The following ARFGEF3 variants were observed in gnomAD, a reference collection of about 807,000 sequenced individuals.
ARFGEF3 encodes the protein brefeldin A-inhibited guanine nucleotide-exchange protein 3.
A neutral mutation model predicts 221.7 loss-of-function variants in ARFGEF3; 96 were observed. The ratio of observed to expected loss-of-function variants is 0.43; its 90% CI spans 0.37 to 0.51. ARFGEF3 has a LOEUF of 0.51. Ranked by LOEUF, ARFGEF3 falls within the 20% of genes least tolerant of loss-of-function variation. The pLI is 0.00. For synonymous variants in ARFGEF3, 1,145 were observed against 1,126.8 expected (o/e 1.02, Z -0.32); for missense variants, 2,410 against 2,789.9 (o/e 0.86, Z 3.07).
intron 1 of ARFGEF3, among the ~76,000 whole-genome samples, chr6:138,167,453 T>C (rs1776744186): frequency 6.6e-6 from 1 of 152,174 alleles, no homozygotes; most frequent in Non-Finnish European, 1.5e-5. Flanking sequence ...AGGCTCAAAG[T>C]GACTGTGTGT....
chr6:138,188,435 A>G (rs777305438), intron 2 of ARFGEF3, among the ~76,000 whole-genome samples: 15 of 152,090 alleles, frequency 9.9e-5, no homozygotes, highest in Non-Finnish European at 1.8e-4. Context: ...TCATTGCACT[A>G]AGAGAACAAT....
Position 138,334,682 on chromosome 6 carries a change from G to C in ARFGEF3, c.5836G>C (p.Glu1946Gln), listed in dbSNP as rs752665701. The C allele has an allele frequency of 1.9e-6, 3 of 1,612,178 alleles. No homozygotes were observed. Among genetic ancestry groups the C allele is most frequent in the Non-Finnish European group, 1.7e-6 (2 of 1,178,550 alleles). ...PFFILPSFQS[E>Q]SSTPSTGGFS... ...CTTCATCCTGCCCTCCTTCCAGTCC[G>C]AGTCATCCACCCCATCCACCGGGGG... The change falls in exon 33 of 34, where the codon GAG (glutamate) becomes CAG (glutamine). Residue 1946 changes from glutamate (E) to glutamine (Q), a missense_variant. Around this residue, in one of 5 missense-constraint regions of ARFGEF3, gnomAD observed 339 missense variants for 334.9 expected, o/e 1.01. Transcript: ENST00000251691. This position sits in a 1 kb window ranked among gnomAD's most constrained non-coding sequence, Gnocchi z 5.1.
rs1390640684 is a variant in ARFGEF3 at position 138,339,577 on chromosome 6, G to A, written c.*3091G>A. 1 of 152,156 alleles carries A rather than the reference G, an allele frequency of 6.6e-6. No individual in the cohort carries two copies. Among genetic ancestry groups the A allele is most frequent in the Non-Finnish European group, 1.5e-5 (1 of 68,056 alleles). 9.4% of individuals were successfully genotyped at this position (152,156 alleles called of 1,614,324 possible). On this transcript the variant is annotated 3_prime_UTR_variant, in exon 34 of 34. Coordinates refer to ENST00000251691, the MANE Select transcript of ARFGEF3 (RefSeq NM_020340.5). ...TCTTCTTTTCCTAAATTTTGGTAAAGTGTGCTTCATGAAACAAACATCTGG... is the reference window on the plus strand; with the variant it reads ...TCTTCTTTTCCTAAATTTTGGTAAAATGTGCTTCATGAAACAAACATCTGG...
At chr6:138,191,665 T>A (rs1404975139) in intron 2 of ARFGEF3, among the ~76,000 whole-genome samples, 1 of 152,208 alleles carries the variant, frequency 6.6e-6, no homozygotes, top group Non-Finnish European at 1.5e-5. Context: ...TCCAATTTGT[T>A]ATGTATTAGC....
intron 20 of ARFGEF3, 107 bp downstream of exon 20, chr6:138,294,233 T>G: frequency 8.4e-7 from 1 of 1,193,338 alleles, no homozygotes; most frequent in African/African-American, 1.5e-5. Flanking sequence ...TTCCCATTGC[T>G]TACACTCACA....
chr6:138,281,569 G>A (rs771511486), intron 14 of ARFGEF3, among the ~76,000 whole-genome samples: 15 of 152,184 alleles, frequency 9.9e-5, no homozygotes, highest in Non-Finnish European at 1.8e-4. Context: ...TATGGCATTT[G>A]GTTTTCTGTT....
intron 2 of ARFGEF3, among the ~76,000 whole-genome samples, chr6:138,173,069 G>T (rs1776870743): frequency 6.6e-6 from 1 of 151,992 alleles, no homozygotes; most frequent in African/African-American, 2.4e-5. Flanking sequence ...AAAATGTTTG[G>T]GGAAAATGGA....
At position 138,338,836 on chromosome 6, in the gene ARFGEF3, A is replaced by G. The variant is rs1780378784; in HGVS notation, c.*2350A>G. Reference sequence around the variant, plus strand: ...AAAAAAAAAGTGAATACTGTATCCCAAAGTATGTTAGTTGTTTGTTTGGAA... The same window carrying G: ...AAAAAAAAAGTGAATACTGTATCCCGAAGTATGTTAGTTGTTTGTTTGGAA... On this transcript the variant is annotated 3_prime_UTR_variant, in exon 34 of 34. Transcript: ENST00000251691. 1 of 151,586 alleles carries G rather than the reference A, an allele frequency of 6.6e-6. No homozygotes were observed. The highest frequency in any genetic ancestry group is 1.5e-5 in the Non-Finnish European group (1 of 68,022). The allele number at this position is 151,586 out of a possible 1,614,324, so 9.4% of individuals were successfully genotyped here.
chr6:138,162,910 A>G lies in ARFGEF3; in HGVS notation c.85+739A>G, dbSNP rs1316177395. 6.6e-6 allele frequency among the ~76,000 whole-genome samples: 1 copy of G among 152,236 alleles called. No individual in the cohort carries two copies. Among genetic ancestry groups the G allele is most frequent in the Non-Finnish European group, 1.5e-5 (1 of 68,046 alleles). On this transcript the variant is annotated intron_variant, in intron 1 of 33. Transcript: ENST00000251691. This position sits in a 1 kb window ranked among gnomAD's most constrained non-coding sequence, Gnocchi z 4.7. ...ATGGTAATGCAAATAGATCAGAAGC[A>G]TACTTTGGGTGATGGTGATGCTTTT...
At chr6:138,173,906 A>T (rs944109194) in intron 2 of ARFGEF3, among the ~76,000 whole-genome samples, 11 of 152,192 alleles carry the variant, frequency 7.2e-5, no homozygotes, top group Non-Finnish European at 1.5e-4. Flanking sequence ...AATGACAAAG[A>T]TTATCCTAAT....
intron 24 of ARFGEF3, among the ~76,000 whole-genome samples, chr6:138,311,141 AG>A (rs1164490262): frequency 4.6e-5 from 7 of 152,218 alleles, no homozygotes; most frequent in African/African-American, 1.4e-4. Context: ...GTTTAGTGGA[AG>A]GGTGAGTTAC....
chr6:138,169,056 G>C (rs904346760), intron 1 of ARFGEF3, among the ~76,000 whole-genome samples: 1 of 152,186 alleles, frequency 6.6e-6, no homozygotes, highest in African/African-American at 2.4e-5. Flanking sequence ...CAAGCATCCC[G>C]GGAGGAAGGT....
At chr6:138,210,666 G>A (rs1347170887) in intron 4 of ARFGEF3, among the ~76,000 whole-genome samples, 3 of 152,084 alleles carry the variant, frequency 2.0e-5, no homozygotes. Context: ...GGGCAGAAAG[G>A]ACAGAAACTC....
In ARFGEF3 at chr6:138,340,420, A is replaced by T. The variant is rs1194549037; in HGVS notation, c.*3934A>T. 3 of 152,088 alleles carry T rather than the reference A, an allele frequency of 2.0e-5. No individual in the cohort carries two copies. The highest frequency in any genetic ancestry group is 4.4e-5 in the Non-Finnish European group (3 of 68,020). 9.4% of individuals were successfully genotyped at this position (152,088 alleles called of 1,614,324 possible). ...ACGGTAATGCAGTTATATAATAGAT[A>T]CCCTTGACTTTGCCAGATTCATCAC... On this transcript the variant is annotated 3_prime_UTR_variant, in exon 34 of 34. Coordinates refer to ENST00000251691, the MANE Select transcript of ARFGEF3 (RefSeq NM_020340.5).
rs115805024 is a variant in ARFGEF3 at position 138,323,142 on chromosome 6, G to A, written c.4767-529G>A. Reference sequence around the variant, plus strand: ...GCATACAAGTCTACGTTTAATGATTGGCCTATTTGTAGAGGGGATCCGTTG... The same window carrying A: ...GCATACAAGTCTACGTTTAATGATTAGCCTATTTGTAGAGGGGATCCGTTG... On this transcript the variant is annotated intron_variant, in intron 29 of 33. Coordinates refer to ENST00000251691, the MANE Select transcript of ARFGEF3 (RefSeq NM_020340.5). 4.4e-3 allele frequency among the ~76,000 whole-genome samples: 662 copies of A among 152,182 alleles called. 7 individuals are homozygous for A. The highest frequency in any genetic ancestry group is 0.015 in the African/African-American group (627 of 41,518).
intron 19 of ARFGEF3, among the ~76,000 whole-genome samples, chr6:138,292,674 G>A (rs1486712897): frequency 6.6e-6 from 1 of 151,998 alleles, no homozygotes; most frequent in East Asian, 2.0e-4. Flanking sequence ...ACGGGCACAG[G>A]GAGGACCGTC....
At chr6:138,184,103 G>A (rs1777134262) in intron 2 of ARFGEF3, among the ~76,000 whole-genome samples, 1 of 152,014 alleles carries the variant, frequency 6.6e-6, no homozygotes, top group Non-Finnish European at 1.5e-5. Flanking sequence ...ATCCCACATA[G>A]CTTCTATTTA....
At chr6:138,264,935 ACT>A (rs1385203583) in intron 12 of ARFGEF3, among the ~76,000 whole-genome samples, 6 of 141,198 alleles carry the variant, frequency 4.2e-5, no homozygotes, top group Non-Finnish European at 7.6e-5. Flanking sequence ...AGAAAGTCTC[ACT>A]CTGTCACCCA....
At chr6:138,183,502 C>G (rs1187950058) in intron 2 of ARFGEF3, among the ~76,000 whole-genome samples, 1 of 151,974 alleles carries the variant, frequency 6.6e-6, no homozygotes, top group Non-Finnish European at 1.5e-5. Context: ...TCGGAGGGGT[C>G]TGGAGAGAGT....
Sources: allele counts gnomAD v4.1 joint callset (sites outside exome capture counted in the v4.1 genomes callset), GRCh38; gene constraint gnomAD v4.1.1; regional missense constraint gnomAD v4.1.1; non-coding constraint Gnocchi (gnomAD v3.1); transcripts MANE v1.5; gene names NCBI Gene and HGNC (gene_info 2026-07-23, HGNC 2026-07-21).